NPM3: variants seen among roughly 807,000 people sequenced by gnomAD.
NPM3 encodes the protein nucleophosmin/nucleoplasmin 3.
A neutral mutation model predicts 18.1 loss-of-function variants in NPM3; 12 were observed. The observed-to-expected ratio is 0.66, with a 90% CI of 0.42 to 1.07. The LOEUF (loss-of-function observed/expected upper bound fraction) is 1.07, where lower values mean the gene tolerates loss of function less well. NPM3 is among the 50% of genes least tolerant of loss of function. The probability of loss-of-function intolerance (pLI) is 0.00; values close to 1 mark genes in which losing one functional copy is unlikely to be tolerated. For synonymous variants in NPM3, 116 were observed against 93.7 expected (o/e 1.24, Z -1.38); for missense variants, 274 against 232.1 (o/e 1.18, Z -1.17).
Position 101,783,253 on chromosome 10 carries a change from G to C in NPM3, c.118+20C>G. ...TCTTACCGCCCCAGTACCACCCTCA[G>C]CCTCTCCCTTCACTAATACCGAAGA... On this transcript the variant is annotated intron_variant, in intron 1 of 5. Transcript: ENST00000370110. 1 of 1,546,724 alleles carries C rather than the reference G, an allele frequency of 6.5e-7. No individual in the cohort carries two copies. The highest frequency in any genetic ancestry group is 8.9e-7 in the Non-Finnish European group (1 of 1,127,568).
At chr10:101,783,345 T>C (rs150237403) in exon 1 of NPM3, 35 of 1,612,502 alleles carry the variant, frequency 2.2e-5, no homozygotes, top group Non-Finnish European at 2.9e-5. Context: ...CGCGTTCGGC[T>C]CTCCTGACTC....
Position 101,781,902 on chromosome 10 carries a change from G to A in NPM3, c.419-48C>T, listed in dbSNP as rs760721484. 185 of 1,613,922 alleles carry A rather than the reference G, an allele frequency of 1.1e-4. 1 individual carries two copies. The East Asian group carries it at 4.1e-3, about 36-fold the overall frequency. On this transcript the variant is annotated intron_variant, in intron 4 of 5. Coordinates refer to ENST00000370110, the Ensembl canonical transcript of NPM3. ...AAGGATGGGGTGTTAAGACCAGACC[G>A]TTTCACACCGCATGCCATTTCTTCA...
At chr10:101,781,590 C>T in exon 6 of NPM3, 1 of 503,752 alleles carries the variant, frequency 2.0e-6, no homozygotes, top group Non-Finnish European at 3.1e-6. Flanking sequence ...TGAAACTTGT[C>T]AGGGAACAGG....
At chr10:101,781,997 ACCC>A (rs2065144805) in intron 4 of NPM3, 143 bp from the exon 5 acceptor site, 1 of 1,414,762 alleles carries the variant, frequency 7.1e-7, no homozygotes, top group African/African-American at 1.4e-5. Context: ...AGAACCTCAG[ACCC>A]TAAACTGGGT....
exon 6 of NPM3, chr10:101,781,540 C>A: frequency 5.9e-6 from 2 of 339,998 alleles, no homozygotes; most frequent in Non-Finnish European, 1.1e-5. Context: ...CCAACCCCCA[C>A]CCAAGCTCTC....
chr10:101,783,074 T>A, intron 1 of NPM3, 150 bp from the exon 2 acceptor site: 2 of 825,552 alleles, frequency 2.4e-6, no homozygotes, highest in East Asian at 5.2e-5. Flanking sequence ...TGGGACGCTC[T>A]GCCGTGGGCC....
chr10:101,781,936 T>C, intron 4 of NPM3, 82 bp from the exon 5 acceptor site: 1 of 1,612,222 alleles, frequency 6.2e-7, no homozygotes, highest in South Asian at 1.1e-5. Flanking sequence ...CACGCCGTGG[T>C]GTTAGGCTTA....
Position 101,783,411 on chromosome 10 carries a change from A to G in NPM3, c.-21T>C, listed in dbSNP as rs890352212. ...GCCATGCTGTAAGAGCCTTCTTCAA[A>G]CTCCGCCCCCGACACGCACAAAGCC... On this transcript the variant is annotated 5_prime_UTR_variant, in exon 1 of 6. Coordinates refer to ENST00000370110, the Ensembl canonical transcript of NPM3. 3.3e-6 allele frequency: 5 copies of G among 1,527,720 alleles called. No homozygotes were observed. The African/African-American group carries it at 7.0e-5, about 21-fold the overall frequency. 94.6% of individuals were successfully genotyped at this position (1,527,720 alleles called of 1,614,324 possible).
At chr10:101,781,515 C>T (rs1259313156) in exon 6 of NPM3, 7 of 344,524 alleles carry the variant, frequency 2.0e-5, no homozygotes, top group Non-Finnish European at 3.9e-5. Context: ...CACCAAAGAC[C>T]CAAGTCCCTC....
At chr10:101,783,078 G>A (rs1019674457) in intron 1 of NPM3, among the ~76,000 whole-genome samples, 154 bp from the exon 2 acceptor site, 1 of 152,190 alleles carries the variant, frequency 6.6e-6, no homozygotes, top group East Asian at 1.9e-4. Flanking sequence ...ACGCTCTGCC[G>A]TGGGCCCCGC....
At chr10:101,783,327 C>T (rs1210172772) in exon 1 of NPM3, 7 of 1,613,118 alleles carry the variant, frequency 4.3e-6, no homozygotes, top group African/African-American at 1.3e-5. Context: ...CCCCCGACAC[C>T]CCCGGCCCGC....
exon 3 of NPM3, chr10:101,782,497 T>C (rs1180058091): frequency 1.2e-6 from 2 of 1,613,032 alleles, no homozygotes; most frequent in African/African-American, 2.7e-5. Flanking sequence ...GCAGGACAGC[T>C]TGAGGTTGGC....
At position 101,782,938 on chromosome 10, in the gene NPM3, CAGTG is replaced by C. The variant is rs1158837609; in HGVS notation, c.119-18_119-15del. 1 of 1,612,778 alleles carries C rather than the reference CAGTG, an allele frequency of 6.2e-7. No individual in the cohort carries two copies. Among genetic ancestry groups the C allele is most frequent in the East Asian group, 2.2e-5 (1 of 44,880 alleles). On this transcript the variant is annotated splice_polypyrimidine_tract_variant and intron_variant, in intron 1 of 5. Coordinates refer to ENST00000370110, the Ensembl canonical transcript of NPM3. ...AGAGCTCACAGCCTGGTAGAAATAACAGTGAGTATGCCTGAGCGTGTGTACGGGG... is the reference window on the plus strand; with the variant it reads ...AGAGCTCACAGCCTGGTAGAAATAACAGTATGCCTGAGCGTGTGTACGGGG...
At chr10:101,781,492 G>T (rs761582602) in exon 6 of NPM3, 6 of 545,150 alleles carry the variant, frequency 1.1e-5, no homozygotes, top group Non-Finnish European at 1.9e-5. Context: ...GTGGAGCACA[G>T]GCCCTCTCCT....
chr10:101,781,665 G>C, intron 5 of NPM3, 33 bp from the exon 6 acceptor site: 1 of 1,557,520 alleles, frequency 6.4e-7, no homozygotes, highest in Non-Finnish European at 8.8e-7. Flanking sequence ...CAGCATTTAG[G>C]CCCTCACCTG....
At chr10:101,782,751 T>C (rs1489487468) in intron 2 of NPM3, 88 bp downstream of exon 2, 18 of 1,573,140 alleles carry the variant, frequency 1.1e-5, no homozygotes, top group Non-Finnish European at 1.6e-5. Context: ...AGGATGTGTC[T>C]CCAAGTAAAG....
At chr10:101,782,864 G>C (rs748349202) in exon 2 of NPM3, 1 of 1,614,048 alleles carries the variant, frequency 6.2e-7, no homozygotes, top group Non-Finnish European at 8.5e-7. Context: ...CACGTGCTCC[G>C]CATCATCCTC....
chr10:101,783,022 G>T, intron 1 of NPM3, 98 bp from the exon 2 acceptor site: 3 of 1,108,036 alleles, frequency 2.7e-6, no homozygotes, highest in Non-Finnish European at 2.7e-6. Flanking sequence ...TGGGCGGACG[G>T]GTCATTTACA....
In NPM3 at chr10:101,781,866, A is replaced by G. The variant is rs201802721; in HGVS notation, c.419-12T>C. The G allele has an allele frequency of 6.2e-7, 1 of 1,614,062 alleles. No individual in the cohort carries two copies. The highest frequency in any genetic ancestry group is 8.5e-7 in the Non-Finnish European group (1 of 1,179,998). The stretch of plus-strand genomic sequence containing the variant: ...ATTGCTCATCGTAACTGGTGGACAC[A>G]CAAGCAGTAGAAGGATGGGGTGTTA... On this transcript the variant is annotated splice_polypyrimidine_tract_variant and intron_variant, in intron 4 of 5. Transcript: ENST00000370110.
Sources: allele counts gnomAD v4.1 joint callset (sites outside exome capture counted in the v4.1 genomes callset), GRCh38; gene constraint gnomAD v4.1.1; transcripts MANE v1.5; gene names NCBI Gene and HGNC (gene_info 2026-07-23, HGNC 2026-07-21).